Variants in WWC2 observed in about 807,000 individuals in gnomAD.
WWC2 encodes the protein protein WWC2.
WWC2 carries 101 observed loss-of-function variants against 138.5 expected under a neutral mutation model. The ratio of observed to expected loss-of-function variants is 0.73; its 90% CI spans 0.62 to 0.86. WWC2 has a LOEUF of 0.86. WWC2 is among the 40% of genes least tolerant of loss of function. The pLI is 0.00. For synonymous variants in WWC2, 558 were observed against 538.4 expected (o/e 1.04, Z -0.50); for missense variants, 1,420 against 1,419.4 (o/e 1.00, Z -0.01).
At chr4:183,146,799 C>CA (rs1328047135) in intron 1 of WWC2, among the ~76,000 whole-genome samples, 2 of 152,084 alleles carry the variant, frequency 1.3e-5, no homozygotes, top group African/African-American at 4.8e-5. Context: ...TTGGTGAAGC[C>CA]AAAAGTGAAA....
intron 2 of WWC2, among the ~76,000 whole-genome samples, chr4:183,197,136 C>G (rs1735167358): frequency 6.6e-6 from 1 of 152,134 alleles, no homozygotes; most frequent in African/African-American, 2.4e-5. Context: ...AAGTACATTT[C>G]AAGTATAAAT....
rs768509330 is a variant in WWC2, at chr4:183,315,656, A to T, written c.3513-7A>T. On this transcript the variant is annotated splice_region_variant and splice_polypyrimidine_tract_variant and intron_variant, in intron 22 of 22. Coordinates refer to ENST00000403733, the MANE Select transcript of WWC2 (RefSeq NM_024949.6). ...ATAAGTCAATTTATTTCTCACCCCA[A>T]CTCTAGGGAGAAGATTGCCTACTTC... The T allele has an allele frequency of 3.9e-5, 63 of 1,611,124 alleles. No individual in the cohort carries two copies. Among genetic ancestry groups the T allele is most frequent in the Non-Finnish European group, 5.2e-5 (61 of 1,178,366 alleles).
At chr4:183,133,986 A>G (rs1159980496) in intron 1 of WWC2, among the ~76,000 whole-genome samples, 7 of 152,210 alleles carry the variant, frequency 4.6e-5, no homozygotes, top group African/African-American at 1.7e-4. Flanking sequence ...TTGCTTACAA[A>G]ACTATTCAGG....
chr4:183,103,912 GCA>G (rs1372843140), intron 1 of WWC2, among the ~76,000 whole-genome samples: 1 of 152,128 alleles, frequency 6.6e-6, no homozygotes, highest in Non-Finnish European at 1.5e-5. Context: ...GGGATTACAG[GCA>G]TGAGCCACCA....
intron 4 of WWC2, among the ~76,000 whole-genome samples, chr4:183,220,329 G>A (rs911609715): frequency 1.3e-5 from 2 of 152,036 alleles, no homozygotes; most frequent in Non-Finnish European, 2.9e-5. Context: ...TAAGTCTGTG[G>A]TAATTTGTCC....
chr4:183,275,105 T>G (rs1221226026), intron 16 of WWC2, among the ~76,000 whole-genome samples: 1 of 152,120 alleles, frequency 6.6e-6, no homozygotes, highest in Non-Finnish European at 1.5e-5. Context: ...CCAGCCACTG[T>G]GGAACTGTTT....
chr4:183,210,607 A>G (rs1735569996), intron 4 of WWC2, among the ~76,000 whole-genome samples: 1 of 152,202 alleles, frequency 6.6e-6, no homozygotes, highest in African/African-American at 2.4e-5. Context: ...TCACTTAACA[A>G]CGGGTATACA....
At chr4:183,278,186 T>G (rs1737932799) in intron 16 of WWC2, among the ~76,000 whole-genome samples, 2 of 152,062 alleles carry the variant, frequency 1.3e-5, no homozygotes, top group East Asian at 3.9e-4. Flanking sequence ...AGTTTCAGCT[T>G]TCTCCATATG....
chr4:183,244,148 C>CT (rs1247946410), intron 5 of WWC2, among the ~76,000 whole-genome samples: 4 of 152,052 alleles, frequency 2.6e-5, no homozygotes, highest in African/African-American at 9.7e-5. Flanking sequence ...AAAAATATGT[C>CT]TAAGAACGTG....
chr4:183,167,241 A>G (rs1372724936), intron 1 of WWC2, among the ~76,000 whole-genome samples: 2 of 152,340 alleles, frequency 1.3e-5, no homozygotes, highest in South Asian at 2.1e-4. Flanking sequence ...ATACCTAGGA[A>G]ATAATTCATC....
intron 11 of WWC2, among the ~76,000 whole-genome samples, chr4:183,262,049 A>G (rs1013292790): frequency 6.6e-6 from 1 of 152,190 alleles, no homozygotes; most frequent in African/African-American, 2.4e-5. Context: ...AGTGTATGGT[A>G]TTACCCTGCC....
rs528975584 is a variant in WWC2, at chr4:183,151,727, G to A, written c.132-41872G>A. ...GAATTAATTTTTGTATAAGGTGTAA[G>A]GAAGGGATCCAGTTTCAGCTTTCTA... On this transcript the variant is annotated intron_variant, in intron 1 of 22. Transcript: ENST00000403733. 4.7e-4 allele frequency among the ~76,000 whole-genome samples: 72 copies of A among 152,272 alleles called. No individual in the cohort carries two copies. The Middle Eastern group carries it at 0.01, about 22-fold the overall frequency.
At position 183,286,105 on chromosome 4, in the gene WWC2, G is replaced by C. The variant is rs948408241; in HGVS notation, c.3141+46G>C. 6 of 1,512,652 alleles carry C rather than the reference G, an allele frequency of 4.0e-6. No individual in the cohort carries two copies. In the African/African-American group the frequency reaches 6.9e-5, roughly 17 times the overall value. 93.7% of individuals were successfully genotyped at this position (1,512,652 alleles called of 1,614,324 possible). On this transcript the variant is annotated intron_variant, in intron 20 of 22. Coordinates refer to ENST00000403733, the MANE Select transcript of WWC2 (RefSeq NM_024949.6). Reference sequence around the variant, plus strand: ...GTCCCACTGTCCCTGGACCAGTCCAGAATTGTCACTTGTGCAGCACAAACT... The same window carrying C: ...GTCCCACTGTCCCTGGACCAGTCCACAATTGTCACTTGTGCAGCACAAACT...
chr4:183,212,050 T>TGAC (rs1007594491), intron 4 of WWC2, among the ~76,000 whole-genome samples: 1 of 152,148 alleles, frequency 6.6e-6, no homozygotes, highest in Non-Finnish European at 1.5e-5. Context: ...TTCGAACACC[T>TGAC]GACCTCATAA....
intron 1 of WWC2, among the ~76,000 whole-genome samples, chr4:183,134,557 A>G (rs1024378352): frequency 1.4e-4 from 21 of 152,142 alleles, no homozygotes; most frequent in Non-Finnish European, 2.8e-4. Flanking sequence ...ACTGTTCTGT[A>G]TATATGCATC....
chr4:183,263,653 A>G (rs1460368732), intron 11 of WWC2, among the ~76,000 whole-genome samples: 5 of 152,200 alleles, frequency 3.3e-5, no homozygotes, highest in Non-Finnish European at 7.3e-5. Flanking sequence ...GCATGGTGGT[A>G]GACATCTGTA....
At chr4:183,176,751 T>A (rs1305984746) in intron 1 of WWC2, among the ~76,000 whole-genome samples, 3 of 152,024 alleles carry the variant, frequency 2.0e-5, no homozygotes, top group Admixed American at 6.6e-5. Context: ...TTTTTTTAAA[T>A]TTTTTTGAAC....
Position 183,319,499 on chromosome 4 carries a change from A to G in WWC2, c.*3770A>G, listed in dbSNP as rs1012662904. 9.5e-5 allele frequency: 143 copies of G among 1,502,326 alleles called. No individual in the cohort carries two copies. Among genetic ancestry groups the G allele is most frequent in the Admixed American group, 7.9e-4 (36 of 45,758 alleles). 93.1% of individuals were successfully genotyped at this position (1,502,326 alleles called of 1,614,324 possible). ...TGAGATGACTAGAGCGGGACATCCT[A>G]CCAAATCCAGTGTTGAGCAAGCGTC... On this transcript the variant is annotated 3_prime_UTR_variant, in exon 23 of 23. Coordinates refer to ENST00000403733, the MANE Select transcript of WWC2 (RefSeq NM_024949.6).
At position 183,309,935 on chromosome 4, in the gene WWC2, A is replaced by G. The variant is rs546138466; in HGVS notation, c.3385-2406A>G. ...ATGAAAAGACATGGAGGAAACTTAAATGCATACACCAAGTGAAAGATGCCG... is the reference window on the plus strand; with the variant it reads ...ATGAAAAGACATGGAGGAAACTTAAGTGCATACACCAAGTGAAAGATGCCG... On this transcript the variant is annotated intron_variant, in intron 21 of 22. Transcript: ENST00000403733. 1.7e-4 allele frequency among the ~76,000 whole-genome samples: 26 copies of G among 152,340 alleles called. No homozygotes were observed. In the South Asian group the frequency reaches 5.0e-3, roughly 29 times the overall value.
Sources: gnomAD v4.1 joint callset for allele counts (sites outside exome capture counted in the v4.1 genomes callset) on GRCh38, gnomAD v4.1.1 for gene constraint, MANE v1.5 for transcripts, NCBI Gene and HGNC (gene_info 2026-07-23, HGNC 2026-07-21) for gene names.